Variants in COPG2 observed in about 807,000 individuals in gnomAD.
The protein encoded by COPG2 is coatomer subunit gamma-2.
A neutral mutation model predicts 46.3 loss-of-function variants in COPG2; 37 were observed. The observed-to-expected ratio is 0.80, with a 90% CI of 0.61 to 1.05. The LOEUF (loss-of-function observed/expected upper bound fraction) is 1.05, where lower values mean the gene tolerates loss of function less well. COPG2 is among the 50% of genes least tolerant of loss of function. The pLI, the probability that COPG2 is intolerant of heterozygous loss-of-function variation, is 0.00. For synonymous variants in COPG2, 159 were observed against 129.7 expected (o/e 1.23, Z -1.53); for missense variants, 427 against 387.8 (o/e 1.10, Z -0.85).
chr7:130,506,578 T>TTCA lies in COPG2; in HGVS notation c.*95_*97dup, dbSNP rs1232727227. ...TGTTTAATTTGCTTCTCCAAAGTCA[T>TTCA]TCATCTTCAAAAGTCTGATTCTGGG... On this transcript the variant is annotated 3_prime_UTR_variant, in exon 24 of 24. Transcript: ENST00000425248. 1.9e-6 allele frequency: 1 copy of TTCA among 528,296 alleles called. No individual in the cohort carries two copies. The highest frequency in any genetic ancestry group is 3.4e-6 in the Non-Finnish European group (1 of 293,074). 32.7% of individuals were successfully genotyped at this position (528,296 alleles called of 1,614,324 possible). A position where few individuals can be genotyped will look rare whatever the true frequency, so the allele number is the denominator to read the frequency against.
At chr7:130,525,870 CAG>C (rs1219039291) in intron 20 of COPG2, among the ~76,000 whole-genome samples, 1 of 151,774 alleles carries the variant, frequency 6.6e-6, no homozygotes, top group African/African-American at 2.4e-5. Context: ...CAGAGGAGGA[CAG>C]AGAGTGGGAC....
rs376638864 is a variant in COPG2, at chr7:130,590,034, A to C, written c.737+20919T>G. ...TTGTTGTAAAAACTATCAATATTTT[A>C]TTTTTCCTATCAAAAGATTGTATTT... is the stretch of plus-strand genomic sequence containing the variant. On this transcript the variant is annotated intron_variant, in intron 9 of 23. Coordinates refer to ENST00000425248, the MANE Select transcript of COPG2 (RefSeq NM_012133.6). Among the ~76,000 whole-genome samples the C allele has an allele frequency of 2.0e-3, 309 of 152,188 alleles. 2 individuals are homozygous for C. Among genetic ancestry groups the C allele is most frequent in the African/African-American group, 6.7e-3 (280 of 41,524 alleles).
chr7:130,525,714 C>T (rs966127194), intron 20 of COPG2, among the ~76,000 whole-genome samples: 17 of 152,182 alleles, frequency 1.1e-4, no homozygotes, highest in African/African-American at 3.6e-4. Flanking sequence ...CAGTGGGTCT[C>T]GTAGTTGTAA....
At chr7:130,618,230 A>G (rs1324993459) in intron 5 of COPG2, among the ~76,000 whole-genome samples, 1 of 151,960 alleles carries the variant, frequency 6.6e-6, no homozygotes, top group East Asian at 1.9e-4. Context: ...CGGATTTCCA[A>G]GAGGATCTAT....
At chr7:130,513,327 A>ATATATATGTGTGTGTGTGTGTG (rs1799636544) in intron 20 of COPG2, among the ~76,000 whole-genome samples, 1 of 61,090 alleles carries the variant, frequency 1.6e-5, no homozygotes, top group African/African-American at 5.4e-5. Flanking sequence ...ATATATATAT[A>ATATATATGTGTGTGTGTGTGTG]TATATATATA....
intron 5 of COPG2, among the ~76,000 whole-genome samples, chr7:130,632,206 A>G (rs1554455314): frequency 1.3e-5 from 2 of 152,196 alleles, no homozygotes; most frequent in Non-Finnish European, 2.9e-5. Flanking sequence ...TTTCACCTTC[A>G]TTCCTGGAAG....
In COPG2 at chr7:130,554,529, G is replaced by A; in HGVS notation, c.1420C>T (p.Arg474Cys). The change falls in exon 14 of 24, where the codon CGT becomes TGT. Residue 474 changes from arginine (R) to cysteine (C), a missense_variant. By Grantham distance (180) the Arg-to-Cys change is radical (BLOSUM62 -3). Transcript: ENST00000425248. Reference sequence around the variant, plus strand: ...AGGACAACCCTATTAAAAATAAAACGGATATATTTGGAGGGGACAGGCGTT... The same window carrying A: ...AGGACAACCCTATTAAAAATAAAACAGATATATTTGGAGGGGACAGGCGTT... ...PRTPVPSKYI[R>C]FIFNRVVLEN... is the part of the protein sequence containing the mutation. The A allele has an allele frequency of 5.0e-6, 2 of 398,534 alleles. No homozygotes were observed. The highest frequency in any genetic ancestry group is 4.4e-5 in the Admixed American group (1 of 22,724). 24.7% of individuals were successfully genotyped at this position (398,534 alleles called of 1,614,324 possible). A position where few individuals can be genotyped will look rare whatever the true frequency, so the allele number is the denominator to read the frequency against.
chr7:130,518,972 C>T (rs1799702053), intron 20 of COPG2, among the ~76,000 whole-genome samples: 1 of 144,206 alleles, frequency 6.9e-6, no homozygotes, highest in African/African-American at 2.7e-5. Flanking sequence ...CACCACTGCA[C>T]TCCAGCCTGG....
chr7:130,585,506 G>A (rs1304740520), intron 9 of COPG2, among the ~76,000 whole-genome samples: 4 of 152,016 alleles, frequency 2.6e-5, no homozygotes, highest in African/African-American at 9.7e-5. Context: ...CACGGCAAAA[G>A]GAACAGTCAG....
chr7:130,540,237 A>G (rs1799923163), intron 20 of COPG2, among the ~76,000 whole-genome samples: 1 of 152,104 alleles, frequency 6.6e-6, no homozygotes, highest in Admixed American at 6.5e-5. Context: ...GTTGCAGGTG[A>G]TGAATACAGG....
At chr7:130,591,021 A>G (rs1794397179) in intron 9 of COPG2, among the ~76,000 whole-genome samples, 1 of 146,272 alleles carries the variant, frequency 6.8e-6, no homozygotes, top group Non-Finnish European at 1.5e-5. Flanking sequence ...TCTGCCCGGC[A>G]GCCACCCCCT....
rs1206514708 is a variant in COPG2 at position 130,629,706 on chromosome 7, AATTC to A, written c.324-12645_324-12642del. ...CCACCACGCCTAGCCCTTCTCCTGG[AATTC>A]TACATATGCTAGTCTGTTTGATATT... On this transcript the variant is annotated intron_variant, in intron 5 of 23. Transcript: ENST00000425248. 5.9e-5 allele frequency among the ~76,000 whole-genome samples: 9 copies of A among 151,628 alleles called. 1 individual carries two copies. The highest frequency in any genetic ancestry group is 4.6e-4 in the Admixed American group (7 of 15,238).
intron 5 of COPG2, among the ~76,000 whole-genome samples, chr7:130,648,713 G>A (rs1344088648): frequency 6.6e-6 from 1 of 152,234 alleles, no homozygotes; most frequent in Non-Finnish European, 1.5e-5. Flanking sequence ...ACCTGGAATA[G>A]GTCTCTGCAC....
At chr7:130,526,385 G>T (rs1246738263) in intron 20 of COPG2, among the ~76,000 whole-genome samples, 2 of 152,090 alleles carry the variant, frequency 1.3e-5, no homozygotes, top group East Asian at 1.9e-4. Context: ...AGAGAAATAT[G>T]GGCCACAGAC....
chr7:130,611,912 T>C (rs1249474305), intron 8 of COPG2, among the ~76,000 whole-genome samples: 2 of 152,234 alleles, frequency 1.3e-5, no homozygotes, highest in African/African-American at 4.8e-5. Flanking sequence ...TACTACTGAA[T>C]ATAACAATCT....
In COPG2 at chr7:130,573,798, T is replaced by C. The variant is rs1340776168; in HGVS notation, c.738-9405A>G. Among the ~76,000 whole-genome samples the C allele has an allele frequency of 7.9e-5, 12 of 152,270 alleles. No homozygotes were observed. In the East Asian group the frequency reaches 1.9e-3, roughly 24 times the overall value. ...TTCATAGCTAATGGTACATGTTACA[T>C]AGGTAAGTTCAACCACAATGGTTGA... On this transcript the variant is annotated intron_variant, in intron 9 of 23. Coordinates refer to ENST00000425248, the MANE Select transcript of COPG2 (RefSeq NM_012133.6).
intron 20 of COPG2, among the ~76,000 whole-genome samples, chr7:130,517,645 C>G (rs1344690161): frequency 6.6e-6 from 1 of 152,120 alleles, no homozygotes; most frequent in Non-Finnish European, 1.5e-5. Context: ...TTCTTGAGGA[C>G]TGGTAGGGAA....
chr7:130,619,545 T>A (rs1795003189), intron 5 of COPG2, among the ~76,000 whole-genome samples: 1 of 152,230 alleles, frequency 6.6e-6, no homozygotes, highest in South Asian at 2.1e-4. Context: ...TCTTTTTGTA[T>A]TATCATGGAT....
chr7:130,658,823 G>A (rs1249277166), intron 4 of COPG2, among the ~76,000 whole-genome samples: 1 of 152,016 alleles, frequency 6.6e-6, no homozygotes, highest in Non-Finnish European at 1.5e-5. Context: ...TGGGATTACA[G>A]GTGCCTGCCA....
Sources: allele counts gnomAD v4.1 joint callset (sites outside exome capture counted in the v4.1 genomes callset), GRCh38; gene constraint gnomAD v4.1.1; transcripts MANE v1.5; gene names NCBI Gene and HGNC (gene_info 2026-07-23, HGNC 2026-07-21).